The following LARGE1 variants were observed in gnomAD, a reference collection of about 807,000 sequenced individuals.
LARGE1 encodes LARGE xylosyl- and glucuronyltransferase 1, also known as xylosyl- and glucuronyltransferase LARGE1.
In LARGE1, 43 loss-of-function variants were observed where a neutral mutation model predicts 87.6. The ratio of observed to expected loss-of-function variants is 0.49; its 90% CI spans 0.38 to 0.63. LARGE1 has a LOEUF of 0.63. LARGE1 is among the 30% of genes least tolerant of loss of function. The pLI is 0.00. For missense variants in LARGE1, 802 were observed against 1,000.2 expected, an observed-to-expected ratio of 0.80 and a Z score of 2.67; for synonymous variants, 434 against 394.6, an observed-to-expected ratio of 1.10 and a Z score of -1.18.
At chr22:33,784,314 T>C (rs1463442750) in intron 1 of LARGE1, among the ~76,000 whole-genome samples, 1 of 152,156 alleles carries the variant, frequency 6.6e-6, no homozygotes, top group African/African-American at 2.4e-5. Flanking sequence ...CCCTGTAAAT[T>C]AGTTAATACT....
intron 2 of LARGE1, among the ~76,000 whole-genome samples, chr22:33,662,146 G>A (rs998148309): frequency 5.3e-5 from 8 of 151,818 alleles, no homozygotes; most frequent in Non-Finnish European, 1.2e-4. Flanking sequence ...TTTGTGTTGG[G>A]CCACATTCAA....
chr22:33,870,204 T>A (rs971747796), intron 1 of LARGE1, among the ~76,000 whole-genome samples: 1 of 152,144 alleles, frequency 6.6e-6, no homozygotes. Flanking sequence ...GGGACGCATC[T>A]ACCAGCCAGA....
intron 9 of LARGE1, among the ~76,000 whole-genome samples, chr22:33,355,076 A>C (rs4820102): frequency 0.93 from 141,113 of 151,984 alleles, 65,542 homozygotes; most frequent in East Asian, 0.96. Flanking sequence ...TAGGTCAGAT[A>C]AGAAGTATTT....
At chr22:33,655,118 C>A (rs2080924083) in intron 2 of LARGE1, among the ~76,000 whole-genome samples, 1 of 152,100 alleles carries the variant, frequency 6.6e-6, no homozygotes, top group Non-Finnish European at 1.5e-5. Context: ...TGTGTCAACT[C>A]AACTGGGCCA....
At chr22:33,128,082 A>C in the LARGE1 span, among the ~76,000 whole-genome samples, 1 of 151,978 alleles carries the variant, frequency 6.6e-6, no homozygotes, top group African/African-American at 2.4e-5. Context: ...TTTTTAAATT[A>C]TTTTTCTTTA....
At chr22:33,290,392 A>G (rs933989566) in intron 12 of LARGE1, among the ~76,000 whole-genome samples, 2 of 152,160 alleles carry the variant, frequency 1.3e-5, no homozygotes, top group African/African-American at 4.8e-5. Context: ...CTGGCTAACT[A>G]CTTAATTAAT....
the LARGE1 span, among the ~76,000 whole-genome samples, chr22:33,151,894 T>C: frequency 4.0e-4 from 61 of 152,230 alleles, 1 homozygote; most frequent in South Asian, 8.3e-3. Context: ...GTTTTCTTCC[T>C]TTGCATTATC....
At chr22:33,745,643 G>A (rs1200872830) in intron 2 of LARGE1, among the ~76,000 whole-genome samples, 2 of 152,148 alleles carry the variant, frequency 1.3e-5, no homozygotes, top group Non-Finnish European at 2.9e-5. Flanking sequence ...GCGAGGGCCC[G>A]GTTCTCGCTA....
chr22:33,407,192 AGGCTGGAGTGCAGT>A (rs2066132446), intron 7 of LARGE1, among the ~76,000 whole-genome samples: 1 of 152,198 alleles, frequency 6.6e-6, no homozygotes, highest in Non-Finnish European at 1.5e-5. Context: ...TATGTTGAGC[AGGCTGGAGTGCAGT>A]GGCTATTCAC....
chr22:33,128,746 C>A, the LARGE1 span, among the ~76,000 whole-genome samples: 1 of 149,748 alleles, frequency 6.7e-6, no homozygotes, highest in Non-Finnish European at 1.5e-5. Flanking sequence ...ACATATACAC[C>A]ATGGAATACT....
chr22:33,698,685 C>G (rs1367021213), intron 2 of LARGE1, among the ~76,000 whole-genome samples: 1 of 152,162 alleles, frequency 6.6e-6, no homozygotes, highest in Non-Finnish European at 1.5e-5. Flanking sequence ...ATTTACTGAA[C>G]CTTTACTGAA....
Position 33,457,897 on chromosome 22 carries a change from C to A in LARGE1, c.788-25632G>T, listed in dbSNP as rs184015860. On this transcript the variant is annotated intron_variant, in intron 6 of 14. Coordinates refer to ENST00000397394, the MANE Select transcript of LARGE1 (RefSeq NM_133642.5). Reference sequence around the variant, plus strand: ...TGTGTGTATATGGAAAACGACACAACCTTAGTTTCAAATCCCAGCTTACCC... The same window carrying A: ...TGTGTGTATATGGAAAACGACACAAACTTAGTTTCAAATCCCAGCTTACCC... 9.9e-5 allele frequency among the ~76,000 whole-genome samples: 15 copies of A among 152,158 alleles called. No homozygotes were observed. The East Asian group carries it at 2.9e-3, about 30-fold the overall frequency.
At chr22:33,629,782 C>T (rs2080044726) in intron 3 of LARGE1, among the ~76,000 whole-genome samples, 1 of 152,172 alleles carries the variant, frequency 6.6e-6, no homozygotes, top group African/African-American at 2.4e-5. Context: ...CAACATTCCT[C>T]CTATCAAAGG....
intron 6 of LARGE1, among the ~76,000 whole-genome samples, chr22:33,527,951 C>A (rs1011238252): frequency 6.6e-6 from 1 of 152,104 alleles, no homozygotes; most frequent in East Asian, 1.9e-4. Context: ...AGATCTTAAT[C>A]TTTCAGGGTC....
At chr22:33,316,772 G>C (rs981315249) in intron 10 of LARGE1, among the ~76,000 whole-genome samples, 1 of 152,060 alleles carries the variant, frequency 6.6e-6, no homozygotes, top group Admixed American at 6.5e-5. Flanking sequence ...ACAAAAAAAA[G>C]AGGATGCCTT....
chr22:33,605,237 T>C (rs998450855), intron 4 of LARGE1, among the ~76,000 whole-genome samples: 2 of 152,128 alleles, frequency 1.3e-5, no homozygotes, highest in African/African-American at 4.8e-5. Flanking sequence ...ACCAAGCGGT[T>C]ACTTTAATAC....
Position 33,863,690 on chromosome 22 carries a change from C to T in LARGE1, c.-83+56305G>A, listed in dbSNP as rs1046517410. On this transcript the variant is annotated intron_variant, in intron 1 of 14. Coordinates refer to ENST00000397394, the MANE Select transcript of LARGE1 (RefSeq NM_133642.5). Reference sequence around the variant, plus strand: ...GGCTGAAGCAGGAGAATCACTTGAACCCAGGAGGCGGAGGTTGCAGTGAGC... The same window carrying T: ...GGCTGAAGCAGGAGAATCACTTGAATCCAGGAGGCGGAGGTTGCAGTGAGC... 2.6e-5 allele frequency among the ~76,000 whole-genome samples: 4 copies of T among 151,984 alleles called. No individual in the cohort carries two copies. In the East Asian group the frequency reaches 7.7e-4, roughly 29 times the overall value.
chr22:33,368,888 T>C (rs937940115), intron 9 of LARGE1, among the ~76,000 whole-genome samples: 1 of 152,236 alleles, frequency 6.6e-6, no homozygotes, highest in African/African-American at 2.4e-5. Flanking sequence ...AAAATGTTAA[T>C]GATCACCTGG....
chr22:33,685,090 C>CCA (rs1268315083), intron 2 of LARGE1, among the ~76,000 whole-genome samples: 4 of 152,114 alleles, frequency 2.6e-5, no homozygotes, highest in Non-Finnish European at 5.9e-5. Flanking sequence ...CCATCCTAAA[C>CCA]CACACACACA....
Sources: allele counts gnomAD v4.1 joint callset (sites outside exome capture counted in the v4.1 genomes callset), GRCh38; gene constraint gnomAD v4.1.1; transcripts MANE v1.5; gene names NCBI Gene and HGNC (gene_info 2026-07-23, HGNC 2026-07-21).